HDAC4: variants seen among roughly 807,000 people sequenced by gnomAD.
The protein encoded by HDAC4 is histone deacetylase 4.
HDAC4 carries 16 observed loss-of-function variants against 135.1 expected under a neutral mutation model. The observed-to-expected ratio is 0.12, with a 90% CI of 0.08 to 0.18. HDAC4 has a LOEUF of 0.18. Among genes scored for constraint, HDAC4 ranks in the 10% least tolerant of loss-of-function variants. HDAC4 has a pLI of 1.00. For synonymous variants in HDAC4, 685 were observed against 653.4 expected (o/e 1.05, Z -0.74); for missense variants, 1,143 against 1,511.8 (o/e 0.76, Z 4.05).
At chr2:239,221,045 C>T (rs1477571233) in intron 3 of HDAC4, among the ~76,000 whole-genome samples, 6 of 152,182 alleles carry the variant, frequency 3.9e-5, no homozygotes, top group Admixed American at 1.3e-4. Flanking sequence ...ATTCTGCGGG[C>T]GGTGGCGTGT....
rs2153086486 is a variant in HDAC4 at position 239,206,743 on chromosome 2, A to C, written c.95-16666T>G. On this transcript the variant is annotated intron_variant, in intron 3 of 26. Transcript: ENST00000543185. Reference sequence around the variant, plus strand: ...GACAGGTGCCAATCACAGTGTATGAACACTGCTTGGACCCAGAGACTCCTG... The same window carrying C: ...GACAGGTGCCAATCACAGTGTATGACCACTGCTTGGACCCAGAGACTCCTG... Among the ~76,000 whole-genome samples, 4 of 152,306 alleles carry C rather than the reference A, an allele frequency of 2.6e-5. No homozygotes were observed. The South Asian group carries it at 8.3e-4, about 32-fold the overall frequency.
chr2:239,058,928 T>C (rs1323562682), intron 24 of HDAC4, among the ~76,000 whole-genome samples: 2 of 152,146 alleles, frequency 1.3e-5, no homozygotes, highest in Non-Finnish European at 2.9e-5. Context: ...CAAACACATG[T>C]GGAATGTCTC....
chr2:239,189,913 G>C lies in HDAC4; in HGVS notation c.259C>G (p.Gln87Glu). The C allele has an allele frequency of 6.2e-7, 1 of 1,611,230 alleles. No homozygotes were observed. Among genetic ancestry groups the C allele is most frequent in the Non-Finnish European group, 8.5e-7 (1 of 1,179,916 alleles). ...ALKQKQQIQRQILIAEFQRQH... is the reference protein window; with the variant it reads ...ALKQKQQIQREILIAEFQRQH... ...CTCTGGAACTCAGCGATGAGGATCT[G>C]CCTCTGGATCTGCTGCTTCTGCTTG... Residue 87 changes from glutamine to glutamate, a missense_variant, in exon 4 of 27, where the codon CAG (glutamine) becomes GAG (glutamate). This residue lies in a region of HDAC4 where 247 missense variants were observed against 310.0 expected (regional missense o/e 0.80). Coordinates refer to ENST00000543185, the MANE Select transcript of HDAC4 (RefSeq NM_001378414.1).
intron 3 of HDAC4, among the ~76,000 whole-genome samples, chr2:239,234,522 G>A (rs1169802946): frequency 5.3e-5 from 8 of 152,202 alleles, no homozygotes; most frequent in Non-Finnish European, 1.0e-4. Flanking sequence ...ACATTCCTCA[G>A]TACTAGTCAA....
At chr2:239,350,553 A>G (rs1423000722) in intron 2 of HDAC4, among the ~76,000 whole-genome samples, 1 of 152,034 alleles carries the variant, frequency 6.6e-6, no homozygotes, top group Non-Finnish European at 1.5e-5. Context: ...CGCCAGGCTG[A>G]AGTACAGTGG....
chr2:239,135,716 C>T (rs759854675), intron 9 of HDAC4, among the ~76,000 whole-genome samples: 4 of 152,126 alleles, frequency 2.6e-5, no homozygotes, highest in Non-Finnish European at 4.4e-5. Context: ...GCTGCAGGGC[C>T]GAGCACCCAG....
At chr2:239,169,738 C>T (rs903977432) in intron 5 of HDAC4, among the ~76,000 whole-genome samples, 31 of 152,264 alleles carry the variant, frequency 2.0e-4, no homozygotes, top group South Asian at 1.0e-3. Context: ...ACCAGGCGTG[C>T]GTGTGTGCAG....
rs76168990 is a variant in HDAC4 at position 239,233,458 on chromosome 2, G to GA, written c.94+3134dup. On this transcript the variant is annotated intron_variant, in intron 3 of 26. Transcript: ENST00000543185. Reference sequence around the variant, plus strand: ...GAATAATGCAAATATTCCAAAATCCGAAAAAAAAAAAAACAAACCCAAAAT... The same window carrying GA: ...GAATAATGCAAATATTCCAAAATCCGAAAAAAAAAAAAAACAAACCCAAAAT... Among the ~76,000 whole-genome samples the GA allele has an allele frequency of 9.5e-3, 1,219 of 128,152 alleles. 10 individuals carry two copies. The highest frequency in any genetic ancestry group is 0.023 in the African/African-American group (808 of 34,520). The allele number at this position is 128,152 out of a possible 152,430, so 84.1% of individuals were successfully genotyped here.
At chr2:239,200,027 C>T (rs1011684569) in intron 3 of HDAC4, among the ~76,000 whole-genome samples, 5 of 152,172 alleles carry the variant, frequency 3.3e-5, no homozygotes, top group Admixed American at 6.5e-5. Flanking sequence ...CGTGAGCCAC[C>T]GCGCCCAGCC....
At chr2:239,151,102 ATG>A (rs1369896522) in intron 7 of HDAC4, among the ~76,000 whole-genome samples, 1 of 152,256 alleles carries the variant, frequency 6.6e-6, no homozygotes, top group Non-Finnish European at 1.5e-5. Context: ...TCAGGGATGA[ATG>A]TGAGGGTGGA....
intron 2 of HDAC4, among the ~76,000 whole-genome samples, chr2:239,320,292 G>A (rs1172039054): frequency 6.7e-6 from 1 of 148,252 alleles, no homozygotes; most frequent in Non-Finnish European, 1.5e-5. Context: ...TGAGGCAGGA[G>A]AATTGCTTGA....
intron 3 of HDAC4, among the ~76,000 whole-genome samples, chr2:239,205,079 T>C (rs983002865): frequency 2.0e-5 from 3 of 152,112 alleles, no homozygotes; most frequent in African/African-American, 7.2e-5. Context: ...TCCGGCCTGG[T>C]CTCCCCACCC....
intron 3 of HDAC4, among the ~76,000 whole-genome samples, chr2:239,224,682 G>A (rs2047144728): frequency 6.6e-6 from 1 of 152,266 alleles, no homozygotes; most frequent in African/African-American, 2.4e-5. Flanking sequence ...AGGGGTCTCT[G>A]TGTCAATCAT....
At chr2:239,320,533 CTTCTG>C (rs2053274390) in intron 2 of HDAC4, among the ~76,000 whole-genome samples, 1 of 152,130 alleles carries the variant, frequency 6.6e-6, no homozygotes, top group Admixed American at 6.5e-5. Context: ...TGGTAGGACT[CTTCTG>C]TTATGTAAAA....
chr2:239,094,585 A>T, intron 17 of HDAC4: 1 of 1,121,460 alleles, frequency 8.9e-7, no homozygotes, highest in Non-Finnish European at 1.1e-6. Flanking sequence ...GTGGCCCATG[A>T]GTATCACGGT....
At chr2:239,095,823 C>G (rs1471000782) in intron 16 of HDAC4, among the ~76,000 whole-genome samples, 1 of 152,194 alleles carries the variant, frequency 6.6e-6, no homozygotes, top group Non-Finnish European at 1.5e-5. Context: ...ACAAGAGACC[C>G]CCACTAACCA....
chr2:239,197,977 C>T (rs1048924222), intron 3 of HDAC4, among the ~76,000 whole-genome samples: 1 of 151,860 alleles, frequency 6.6e-6, no homozygotes, highest in African/African-American at 2.4e-5. Context: ...CCTTGCCTCC[C>T]GAGTAGCTGG....
chr2:239,168,253 G>A (rs559595263), intron 5 of HDAC4, among the ~76,000 whole-genome samples: 1 of 152,170 alleles, frequency 6.6e-6, no homozygotes, highest in Non-Finnish European at 1.5e-5. Context: ...CGTGTGGACC[G>A]CAGTGAGAGA....
intron 2 of HDAC4, among the ~76,000 whole-genome samples, chr2:239,336,901 A>C (rs1383852612): frequency 6.6e-6 from 1 of 152,080 alleles, no homozygotes; most frequent in Non-Finnish European, 1.5e-5. Context: ...TCCACATCAC[A>C]CTTAGGTGTC....
Sources: allele counts gnomAD v4.1 joint callset (sites outside exome capture counted in the v4.1 genomes callset), GRCh38; gene constraint gnomAD v4.1.1; regional missense constraint gnomAD v4.1.1; transcripts MANE v1.5; gene names NCBI Gene and HGNC (gene_info 2026-07-23, HGNC 2026-07-21).